GRID1: variants seen among roughly 807,000 people sequenced by gnomAD.
GRID1 encodes glutamate ionotropic receptor delta type subunit 1, also known as glutamate receptor ionotropic, delta-1.
A neutral mutation model predicts 98.0 loss-of-function variants in GRID1; 28 were observed. The observed-to-expected ratio is 0.29, with a 90% CI of 0.21 to 0.39. GRID1 has a LOEUF of 0.39. Ranked by LOEUF, GRID1 falls within the 10% of genes least tolerant of loss-of-function variation. GRID1 has a pLI of 1.00. For missense variants in GRID1, 1,111 were observed against 1,340.5 expected (o/e 0.83, Z 2.67); for synonymous variants, 553 against 538.5 (o/e 1.03, Z -0.37).
At chr10:86,312,233 C>CA (rs1360920716) in intron 2 of GRID1, among the ~76,000 whole-genome samples, 1 of 152,244 alleles carries the variant, frequency 6.6e-6, no homozygotes, top group Non-Finnish European at 1.5e-5. Flanking sequence ...ATTTCACTTT[C>CA]AAAACAAATT....
intron 4 of GRID1, among the ~76,000 whole-genome samples, chr10:85,988,604 T>C (rs1261124100): frequency 6.6e-6 from 1 of 152,108 alleles, no homozygotes; most frequent in Non-Finnish European, 1.5e-5. Context: ...CCGTTGCCCA[T>C]AGGGGATGAA....
chr10:86,124,353 T>C (rs11201887), intron 4 of GRID1, among the ~76,000 whole-genome samples: 81,344 of 151,986 alleles, frequency 0.54, 24,098 homozygotes, highest in East Asian at 0.71. Flanking sequence ...TGGCACCAGG[T>C]ACATCCTCCT....
intron 4 of GRID1, among the ~76,000 whole-genome samples, chr10:85,970,499 C>A (rs541353974): frequency 6.6e-6 from 1 of 152,066 alleles, no homozygotes; most frequent in South Asian, 2.1e-4. Flanking sequence ...CCTAGGAATG[C>A]AGGATTTGTT....
chr10:85,778,158 G>T (rs527655817), intron 8 of GRID1, among the ~76,000 whole-genome samples: 4 of 152,180 alleles, frequency 2.6e-5, no homozygotes, highest in Non-Finnish European at 5.9e-5. Flanking sequence ...CACACAGGGA[G>T]CATTGGCACT....
chr10:85,616,000 T>C (rs140755837), intron 14 of GRID1, among the ~76,000 whole-genome samples: 8 of 152,296 alleles, frequency 5.3e-5, no homozygotes, highest in Admixed American at 2.0e-4. Flanking sequence ...CCTGAGGTTA[T>C]AATAAATGTA....
chr10:86,233,172 T>C (rs1846482645), intron 2 of GRID1, among the ~76,000 whole-genome samples: 1 of 146,030 alleles, frequency 6.8e-6, no homozygotes, highest in African/African-American at 2.5e-5. Context: ...CTGAACAGTC[T>C]CAGCCACCGA....
intron 4 of GRID1, among the ~76,000 whole-genome samples, chr10:85,959,039 T>C (rs1029436845): frequency 6.6e-6 from 1 of 152,108 alleles, no homozygotes; most frequent in African/African-American, 2.4e-5. Flanking sequence ...CCTGACTGTG[T>C]TGAGCTGGGG....
At chr10:86,157,570 T>C (rs977589854) in intron 3 of GRID1, among the ~76,000 whole-genome samples, 1 of 151,998 alleles carries the variant, frequency 6.6e-6, no homozygotes, top group Non-Finnish European at 1.5e-5. Context: ...ATGCTCAACC[T>C]TTTCTCTCCC....
At chr10:85,638,130 G>T (rs550274647) in intron 13 of GRID1, among the ~76,000 whole-genome samples, 49 of 151,872 alleles carry the variant, frequency 3.2e-4, no homozygotes, top group African/African-American at 1.1e-3. Context: ...AAAATAAGAA[G>T]AAAATATTTT....
intron 8 of GRID1, among the ~76,000 whole-genome samples, chr10:85,755,013 T>A (rs1842083079): frequency 6.6e-6 from 1 of 152,210 alleles, no homozygotes; most frequent in Non-Finnish European, 1.5e-5. Flanking sequence ...TGGTACAGGA[T>A]GGCCCTCTTG....
At chr10:85,913,173 G>A (rs1160591697) in intron 5 of GRID1, among the ~76,000 whole-genome samples, 1 of 152,126 alleles carries the variant, frequency 6.6e-6, no homozygotes, top group Non-Finnish European at 1.5e-5. Flanking sequence ...CAGCCCAAGA[G>A]TATTCCCCAT....
intron 2 of GRID1, among the ~76,000 whole-genome samples, chr10:86,323,118 A>G (rs1847993977): frequency 6.6e-6 from 1 of 152,158 alleles, no homozygotes; most frequent in Non-Finnish European, 1.5e-5. Flanking sequence ...ATAAAAATCA[A>G]AGGGAGAAAG....
At chr10:85,980,219 G>C (rs1842528017) in intron 4 of GRID1, among the ~76,000 whole-genome samples, 1 of 152,172 alleles carries the variant, frequency 6.6e-6, no homozygotes, top group Non-Finnish European at 1.5e-5. Flanking sequence ...ATTCCCCCAT[G>C]CCCATCTCCT....
intron 4 of GRID1, among the ~76,000 whole-genome samples, chr10:85,977,872 G>A (rs1842493160): frequency 6.6e-6 from 1 of 152,118 alleles, no homozygotes; most frequent in African/African-American, 2.4e-5. Flanking sequence ...ATGCCCTGAT[G>A]GAACATGCTT....
chr10:86,008,662 T>C (rs1401113083), intron 4 of GRID1, among the ~76,000 whole-genome samples: 2 of 152,140 alleles, frequency 1.3e-5, no homozygotes, highest in Non-Finnish European at 2.9e-5. Context: ...GTCTCCTTGG[T>C]GATCAGAGAA....
intron 4 of GRID1, among the ~76,000 whole-genome samples, chr10:86,000,572 G>A (rs1205899260): frequency 4.6e-5 from 7 of 152,196 alleles, no homozygotes; most frequent in Non-Finnish European, 1.0e-4. Flanking sequence ...TGAAGGGATA[G>A]ACAAATGTAT....
chr10:86,357,573 T>A (rs1206815393), intron 2 of GRID1, among the ~76,000 whole-genome samples: 1 of 152,208 alleles, frequency 6.6e-6, no homozygotes, highest in East Asian at 1.9e-4. Context: ...CTCATGCATA[T>A]GTGCACGTGT....
chr10:86,005,467 A>C (rs1842849831), intron 4 of GRID1, among the ~76,000 whole-genome samples: 1 of 152,266 alleles, frequency 6.6e-6, no homozygotes, highest in African/African-American at 2.4e-5. Context: ...AATCATGTAG[A>C]TTAGGTAGCA....
At chr10:85,656,440 T>A (rs899774228) in intron 12 of GRID1, among the ~76,000 whole-genome samples, 1 of 152,216 alleles carries the variant, frequency 6.6e-6, no homozygotes, top group African/African-American at 2.4e-5. Context: ...TGTCTGTAGA[T>A]GCATCTATAC....
Sources: gnomAD v4.1 joint callset for allele counts (sites outside exome capture counted in the v4.1 genomes callset) on GRCh38, gnomAD v4.1.1 for gene constraint, MANE v1.5 for transcripts, NCBI Gene and HGNC (gene_info 2026-07-23, HGNC 2026-07-21) for gene names.